Variants in CYP2C19 observed in about 807,000 individuals in gnomAD.
CYP2C19 encodes cytochrome P450 2C19.
In CYP2C19, 59 loss-of-function variants were observed where a neutral mutation model predicts 40.9. The ratio of observed to expected loss-of-function variants is 1.44; its 90% CI spans 1.17 to 1.79. The LOEUF (loss-of-function observed/expected upper bound fraction) is 1.79, where lower values mean the gene tolerates loss of function less well. Ranked by LOEUF, CYP2C19 falls within the 40% of genes most tolerant of loss-of-function variation. The pLI is 0.00. For missense variants in CYP2C19, 754 were observed against 596.9 expected (o/e 1.26, Z -2.74); for synonymous variants, 253 against 208.7 (o/e 1.21, Z -1.83).
At chr10:94,803,325 T>A (rs979092085) in intron 5 of CYP2C19, among the ~76,000 whole-genome samples, 2 of 152,196 alleles carry the variant, frequency 1.3e-5, no homozygotes, top group Admixed American at 6.5e-5. Flanking sequence ...TTTAATTCCA[T>A]AGCTGTGTTT....
At chr10:94,798,169 C>T (rs763531535) in intron 5 of CYP2C19, among the ~76,000 whole-genome samples, 3 of 151,946 alleles carry the variant, frequency 2.0e-5, no homozygotes, top group Non-Finnish European at 2.9e-5. Flanking sequence ...TAAATGTGTC[C>T]CAGAGATTCT....
intron 5 of CYP2C19, among the ~76,000 whole-genome samples, chr10:94,810,037 C>T (rs1319780438): frequency 1.3e-5 from 2 of 152,118 alleles, no homozygotes; most frequent in Admixed American, 6.6e-5. Context: ...GCTGCCACCA[C>T]GCCTGGCTAA....
intron 5 of CYP2C19, among the ~76,000 whole-genome samples, chr10:94,786,407 T>G (rs1848541468): frequency 6.6e-6 from 1 of 152,140 alleles, no homozygotes; most frequent in African/African-American, 2.4e-5. Flanking sequence ...TTAGATATTC[T>G]TTTTTCCTCT....
chr10:94,815,979 T>C (rs1426745906), intron 5 of CYP2C19, among the ~76,000 whole-genome samples: 1 of 152,208 alleles, frequency 6.6e-6, no homozygotes, highest in East Asian at 1.9e-4. Flanking sequence ...TAAGTTGTGG[T>C]TGTCTACAGG....
intron 5 of CYP2C19, among the ~76,000 whole-genome samples, chr10:94,797,042 G>A (rs931256981): frequency 1.3e-5 from 2 of 152,124 alleles, no homozygotes; most frequent in South Asian, 4.1e-4. Flanking sequence ...AATAGGAGTG[G>A]TGAGAGAGGG....
intron 5 of CYP2C19, among the ~76,000 whole-genome samples, chr10:94,816,558 TA>T (rs1231542377): frequency 2.0e-5 from 3 of 152,006 alleles, no homozygotes; most frequent in African/African-American, 7.2e-5. Flanking sequence ...TACAAAAACA[TA>T]AGGAAAATGT....
chr10:94,763,307 A>T (rs188407076), intron 1 of CYP2C19, among the ~76,000 whole-genome samples: 12 of 152,272 alleles, frequency 7.9e-5, no homozygotes, highest in East Asian at 1.9e-4. Flanking sequence ...GCCTGTTGTA[A>T]AGGAAGCAGC....
chr10:94,808,323 A>G (rs1385350575), intron 5 of CYP2C19, among the ~76,000 whole-genome samples: 1 of 152,148 alleles, frequency 6.6e-6, no homozygotes, highest in African/African-American at 2.4e-5. Flanking sequence ...GAAGGTATAT[A>G]TATTTGATGG....
chr10:94,803,166 T>C (rs935533359), intron 5 of CYP2C19, among the ~76,000 whole-genome samples: 3 of 152,214 alleles, frequency 2.0e-5, no homozygotes, highest in Non-Finnish European at 4.4e-5. Flanking sequence ...TGCTGGTTTC[T>C]TCTTATTTGG....
chr10:94,790,071 T>G (rs922417796), intron 5 of CYP2C19, among the ~76,000 whole-genome samples: 10 of 151,976 alleles, frequency 6.6e-5, no homozygotes, highest in Admixed American at 3.9e-4. Flanking sequence ...TCCTTTGTAA[T>G]TTGGATTCCT....
intron 5 of CYP2C19, among the ~76,000 whole-genome samples, chr10:94,799,317 G>A (rs1848732514): frequency 6.6e-6 from 1 of 151,682 alleles, no homozygotes; most frequent in African/African-American, 2.4e-5. Flanking sequence ...CTTTAAGAAT[G>A]TCAAATATTG....
intron 1 of CYP2C19, among the ~76,000 whole-genome samples, chr10:94,763,686 G>T (rs994526275): frequency 3.3e-5 from 5 of 151,862 alleles, no homozygotes; most frequent in African/African-American, 1.2e-4. Context: ...TTGATGGTAG[G>T]GGGCAGGGCA....
rs537995327 is a variant in CYP2C19 at position 94,784,389 on chromosome 10, A to C, written c.819+2392A>C. The stretch of plus-strand genomic sequence containing the variant: ...TATGTTTCTTTATGGGCATGTTTTC[A>C]TCATTCTTGGGTGTATTCTCAGGAG... On this transcript the variant is annotated intron_variant, in intron 5 of 8. Transcript: ENST00000371321. 4.6e-5 allele frequency among the ~76,000 whole-genome samples: 7 copies of C among 152,008 alleles called. No individual in the cohort carries two copies. The East Asian group carries it at 1.2e-3, about 25-fold the overall frequency.
In CYP2C19 at chr10:94,849,926, A is replaced by G. The variant is rs372873637; in HGVS notation, c.1159A>G (p.Ile387Val). The G allele has an allele frequency of 1.2e-6, 2 of 1,613,664 alleles. No individual in the cohort carries two copies. The highest frequency in any genetic ancestry group is 8.5e-7 in the Non-Finnish European group (1 of 1,179,718). ...TGTCTCTTGTTTCTAGGGCACAACCATATTAACTTCCCTCACTTCTGTGCT... is the reference window on the plus strand; with the variant it reads ...TGTCTCTTGTTTCTAGGGCACAACCGTATTAACTTCCCTCACTTCTGTGCT... ...RNYLIPKGTT[I>V]LTSLTSVLHD... Residue 387 changes from isoleucine to valine, a missense_variant, in exon 8 of 9, where the codon ATA (isoleucine) becomes GTA (valine). By Grantham distance (29) the Ile-to-Val change is conservative. Coordinates refer to ENST00000371321, the MANE Select transcript of CYP2C19 (RefSeq NM_000769.4).
rs1849239145 is a variant in CYP2C19, at chr10:94,827,093, T to A, written c.961+6456T>A. The stretch of plus-strand genomic sequence containing the variant: ...ATTTTATTGAGGATTTTTGCATGAA[T>A]GTTCATCAAGGATATTGGTCTAAAA... On this transcript the variant is annotated intron_variant, in intron 6 of 8. Transcript: ENST00000371321. Among the ~76,000 whole-genome samples, 3 of 151,930 alleles carry A rather than the reference T, an allele frequency of 2.0e-5. 1 individual carries two copies. Among genetic ancestry groups the A allele is most frequent in the African/African-American group, 7.3e-5 (3 of 41,266 alleles).
At chr10:94,806,426 G>A (rs1399994819) in intron 5 of CYP2C19, among the ~76,000 whole-genome samples, 5 of 151,848 alleles carry the variant, frequency 3.3e-5, no homozygotes, top group South Asian at 2.1e-4. Context: ...CCCAGAAGTG[G>A]CATTTCTGGG....
At chr10:94,775,368 G>T in intron 2 of CYP2C19, 22 bp from the exon 3 acceptor site, 3 of 1,613,404 alleles carry the variant, frequency 1.9e-6, no homozygotes, top group Non-Finnish European at 2.5e-6. Context: ...CTCCCTCCTA[G>T]TTTCGTTTCT....
intron 5 of CYP2C19, among the ~76,000 whole-genome samples, chr10:94,804,652 AGGCTCTCT>A (rs1848809530): frequency 6.6e-6 from 1 of 152,058 alleles, no homozygotes. Flanking sequence ...TAGCCAGGGG[AGGCTCTCT>A]TTCACATAAC....
chr10:94,830,185 A>T (rs1478292585), intron 6 of CYP2C19, among the ~76,000 whole-genome samples: 5 of 152,224 alleles, frequency 3.3e-5, no homozygotes, highest in African/African-American at 2.4e-5. Context: ...GGCTCCACCC[A>T]GTTCCAGCTT....
Sources: allele counts gnomAD v4.1 joint callset (sites outside exome capture counted in the v4.1 genomes callset), GRCh38; gene constraint gnomAD v4.1.1; transcripts MANE v1.5; gene names NCBI Gene and HGNC (gene_info 2026-07-23, HGNC 2026-07-21).